Variants in PUM2 observed in about 807,000 individuals in gnomAD.
The protein encoded by PUM2 is pumilio homolog 2.
PUM2 carries 57 observed loss-of-function variants against 124.5 expected under a neutral mutation model. That is an observed-to-expected ratio of 0.46 (90% confidence interval 0.37 to 0.57). PUM2 has a LOEUF of 0.57. PUM2 is among the 20% of genes least tolerant of loss of function. The pLI is 0.00. For synonymous variants in PUM2, 460 were observed against 446.1 expected, an observed-to-expected ratio of 1.03 and a Z score of -0.39; for missense variants, 1,065 against 1,290.6, an observed-to-expected ratio of 0.83 and a Z score of 2.68.
chr2:20,351,210 A>G (rs887241456), upstream of PUM2, among the ~76,000 whole-genome samples: 31 of 151,428 alleles, frequency 2.0e-4, no homozygotes, highest in Admixed American at 1.9e-3. Flanking sequence ...TTTTCCCCCA[A>G]CTGGGTGTGC....
At chr2:20,340,225 C>T (rs2149058873) in intron 1 of PUM2, among the ~76,000 whole-genome samples, 1 of 152,268 alleles carries the variant, frequency 6.6e-6, no homozygotes, top group African/African-American at 2.4e-5. Context: ...ACAGAAAATA[C>T]CAATGGAGGT....
Position 20,253,962 on chromosome 2 carries a change from G to C in PUM2, c.2923C>G (p.Leu975Val). ...TTCTGGCAGCAAACCTCGTCAATCAGTAAAGCTCTCTCAGCACGGGAGGCA... is the reference window on the plus strand; with the variant it reads ...TTCTGGCAGCAAACCTCGTCAATCACTAAAGCTCTCTCAGCACGGGAGGCA... ...THASRAERAL[L>V]IDEVCCQNDG... Residue 975 changes from leucine to valine, a missense_variant, in exon 20 of 21, where the codon CTG becomes GTG. Leu to Val is a conservative substitution (Grantham distance 32). Coordinates refer to ENST00000361078, the MANE Select transcript of PUM2 (RefSeq NM_015317.5). 1.2e-6 allele frequency: 2 copies of C among 1,614,088 alleles called. No individual in the cohort carries two copies. The highest frequency in any genetic ancestry group is 1.7e-6 in the Non-Finnish European group (2 of 1,179,972).
Position 20,349,195 on chromosome 2 carries a change from G to C in PUM2, c.-19+1402C>G, listed in dbSNP as rs546132497. On this transcript the variant is annotated intron_variant, in intron 1 of 20. Transcript: ENST00000361078. ...AACACAGCTTAAATTGCTGGAAAAT[G>C]CGTAAGTTACTGGCAATTATAACTC... is the stretch of plus-strand genomic sequence containing the variant. Among the ~76,000 whole-genome samples, 176 of 152,338 alleles carry C rather than the reference G, an allele frequency of 1.2e-3. 1 individual carries two copies. Among genetic ancestry groups the C allele is most frequent in the Admixed American group, 3.3e-3 (51 of 15,306 alleles).
chr2:20,251,471 G>A lies in PUM2; in HGVS notation c.*114C>T. On this transcript the variant is annotated 3_prime_UTR_variant, in exon 21 of 21. Coordinates refer to ENST00000361078, the MANE Select transcript of PUM2 (RefSeq NM_015317.5). ...AATGGATGAATAAAGTCAATAAATA[G>A]TTTTGCTTTAAAAAAAAATTGAAGA... is the stretch of plus-strand genomic sequence containing the variant. The A allele has an allele frequency of 3.2e-6, 4 of 1,269,610 alleles. No homozygotes were observed. The highest frequency in any genetic ancestry group is 1.6e-5 in the South Asian group (1 of 61,730). The allele number at this position is 1,269,610 out of a possible 1,614,324, so 78.6% of individuals were successfully genotyped here.
At chr2:20,310,511 T>C (rs1679362899) in intron 5 of PUM2, among the ~76,000 whole-genome samples, 1 of 152,060 alleles carries the variant, frequency 6.6e-6, no homozygotes, top group South Asian at 2.1e-4. Context: ...AAACTTAGAT[T>C]AGGTAATAGT....
intron 7 of PUM2, among the ~76,000 whole-genome samples, chr2:20,301,584 C>A (rs1274380548): frequency 6.6e-6 from 1 of 152,062 alleles, no homozygotes; most frequent in Non-Finnish European, 1.5e-5. Flanking sequence ...AGATACAAAC[C>A]TAGCTCATCC....
chr2:20,291,639 T>A (rs1404551684), intron 9 of PUM2, among the ~76,000 whole-genome samples: 2 of 152,176 alleles, frequency 1.3e-5, no homozygotes, highest in Non-Finnish European at 2.9e-5. Flanking sequence ...TGTGTTTCTC[T>A]TTACTTCAGA....
intron 7 of PUM2, among the ~76,000 whole-genome samples, chr2:20,302,168 C>T (rs1677142194): frequency 6.6e-6 from 1 of 152,198 alleles, no homozygotes; most frequent in South Asian, 2.1e-4. Flanking sequence ...CCGCCTCAAC[C>T]TCCAGTAGCG....
At chr2:20,341,161 G>A (rs575076548) in intron 1 of PUM2, among the ~76,000 whole-genome samples, 2 of 152,142 alleles carry the variant, frequency 1.3e-5, no homozygotes, top group African/African-American at 2.4e-5. Flanking sequence ...TCTTACCTGC[G>A]CTCTGCACAG....
At chr2:20,326,232 A>G in intron 2 of PUM2, 1 of 1,288,992 alleles carries the variant, frequency 7.8e-7, no homozygotes, top group Non-Finnish European at 1.0e-6. Flanking sequence ...TTATTTTGGC[A>G]ATACTTAAGC....
At chr2:20,331,166 G>A (rs539358202) in intron 1 of PUM2, among the ~76,000 whole-genome samples, 6 of 151,500 alleles carry the variant, frequency 4.0e-5, no homozygotes, top group African/African-American at 1.5e-4. Flanking sequence ...TTTGGGAATA[G>A]AAAGAATGAA....
intron 1 of PUM2, chr2:20,350,349 G>T (rs929975977): frequency 6.8e-6 from 4 of 584,506 alleles, no homozygotes; most frequent in African/African-American, 2.0e-5. Flanking sequence ...CGGCGGCCCC[G>T]CAGAGGGAAG....
chr2:20,279,379 C>T (rs1041585031), intron 12 of PUM2, among the ~76,000 whole-genome samples: 3 of 152,086 alleles, frequency 2.0e-5, no homozygotes, highest in Non-Finnish European at 4.4e-5. Context: ...GCAGCTAACT[C>T]AACAGTATTT....
At chr2:20,313,309 TAACTGGCTGGAGCACAC>T (rs1437785907) in intron 3 of PUM2, among the ~76,000 whole-genome samples, 1 of 152,200 alleles carries the variant, frequency 6.6e-6, no homozygotes, top group African/African-American at 2.4e-5. Context: ...TGGTTGAGAC[TAACTGGCTGGAGCACAC>T]ATCTTGAAAA....
chr2:20,293,054 G>A (rs758033097), intron 9 of PUM2, among the ~76,000 whole-genome samples: 1 of 152,184 alleles, frequency 6.6e-6, no homozygotes, highest in Non-Finnish European at 1.5e-5. Context: ...TCAGGATTCA[G>A]AAGCCTTAAT....
At chr2:20,277,973 A>C (rs1214998745) in intron 13 of PUM2, among the ~76,000 whole-genome samples, 1 of 152,130 alleles carries the variant, frequency 6.6e-6, no homozygotes, top group African/African-American at 2.4e-5. Flanking sequence ...GGGTGGGAAC[A>C]ATTTTAATAT....
intron 1 of PUM2, among the ~76,000 whole-genome samples, chr2:20,330,597 T>C (rs1684709206): frequency 2.6e-5 from 4 of 152,238 alleles, no homozygotes; most frequent in African/African-American, 7.2e-5. Flanking sequence ...CATTCTCCCA[T>C]ACATCATCCT....
chr2:20,262,068 C>G lies in PUM2; in HGVS notation c.2225+1125G>C, dbSNP rs139699973. ...GATGATCATGCTACTGTATTCCAGC[C>G]TGGATAACAGAGTAAGACCCTGTCT... On this transcript the variant is annotated intron_variant, in intron 14 of 20. Coordinates refer to ENST00000361078, the MANE Select transcript of PUM2 (RefSeq NM_015317.5). Among the ~76,000 whole-genome samples, 35 of 152,236 alleles carry G rather than the reference C, an allele frequency of 2.3e-4. No individual in the cohort carries two copies. In the East Asian group the frequency reaches 6.4e-3, roughly 28 times the overall value.
At chr2:20,278,230 T>C (rs1470727697) in intron 13 of PUM2, among the ~76,000 whole-genome samples, 1 of 152,180 alleles carries the variant, frequency 6.6e-6, no homozygotes, top group Non-Finnish European at 1.5e-5. Context: ...GTTTTTCTTA[T>C]GGTGTGCAAA....
Sources: allele counts gnomAD v4.1 joint callset (sites outside exome capture counted in the v4.1 genomes callset), GRCh38; gene constraint gnomAD v4.1.1; transcripts MANE v1.5; gene names NCBI Gene and HGNC (gene_info 2026-07-23, HGNC 2026-07-21).